The following LYN variants were observed in gnomAD, a reference collection of about 807,000 sequenced individuals.
LYN encodes the protein LYN proto-oncogene, Src family tyrosine kinase.
A neutral mutation model predicts 65.0 loss-of-function variants in LYN; 12 were observed. The observed-to-expected ratio is 0.18, with a 90% CI of 0.12 to 0.30. The LOEUF (loss-of-function observed/expected upper bound fraction) is 0.30. Ranked by LOEUF, LYN falls within the 10% of genes least tolerant of loss-of-function variation. LYN has a pLI of 1.00. For synonymous variants in LYN, 222 were observed against 221.2 expected (o/e 1.00, Z -0.03); for missense variants, 380 against 623.2 (o/e 0.61, Z 4.16).
At chr8:56,003,925 A>ATTTTT (rs1289280533) in intron 12 of LYN, among the ~76,000 whole-genome samples, 1 of 115,118 alleles carries the variant, frequency 8.7e-6, no homozygotes, top group Non-Finnish European at 1.9e-5. Context: ...TAAATATTTT[A>ATTTTT]TTCTTTTTTT....
intron 1 of LYN, among the ~76,000 whole-genome samples, chr8:55,885,432 T>C (rs75314857): frequency 0.012 from 1,796 of 152,334 alleles, 29 homozygotes; most frequent in African/African-American, 0.042. Context: ...CTCCTCTTTA[T>C]TGACACCAGA....
intron 8 of LYN, among the ~76,000 whole-genome samples, chr8:55,962,889 G>A (rs1349099997): frequency 6.6e-6 from 1 of 152,222 alleles, no homozygotes; most frequent in Non-Finnish European, 1.5e-5. Context: ...AGGCAAAAGG[G>A]AGTGAGCATG....
At chr8:55,945,074 G>T (rs565297348) in intron 2 of LYN, among the ~76,000 whole-genome samples, 19 of 152,070 alleles carry the variant, frequency 1.2e-4, no homozygotes, top group Admixed American at 9.8e-4. Context: ...CAAAATGCAC[G>T]CTATGGATTG....
At chr8:55,991,449 T>C (rs1808246763) in intron 10 of LYN, among the ~76,000 whole-genome samples, 1 of 152,168 alleles carries the variant, frequency 6.6e-6, no homozygotes, top group South Asian at 2.1e-4. Flanking sequence ...CATTGTATGT[T>C]ACAAAGGCCA....
At chr8:55,912,219 G>C (rs145193335) in intron 1 of LYN, among the ~76,000 whole-genome samples, 10 of 152,318 alleles carry the variant, frequency 6.6e-5, no homozygotes, top group Non-Finnish European at 8.8e-5. Flanking sequence ...ACACATTTCT[G>C]TGTGCCCCTT....
chr8:55,899,713 G>C (rs1563499896), intron 1 of LYN, among the ~76,000 whole-genome samples: 1 of 151,932 alleles, frequency 6.6e-6, no homozygotes, highest in Non-Finnish European at 1.5e-5. Context: ...GCAATGGCAC[G>C]ATCTCAGTTC....
chr8:55,953,725 T>A, intron 7 of LYN, 107 bp from the exon 8 acceptor site: 2 of 892,188 alleles, frequency 2.2e-6, no homozygotes, highest in Non-Finnish European at 3.3e-6. Context: ...GTTCACAGAC[T>A]GCGGCAGGTT....
intron 1 of LYN, among the ~76,000 whole-genome samples, chr8:55,906,674 A>T (rs771532170): frequency 5.0e-4 from 76 of 151,906 alleles, no homozygotes; most frequent in Non-Finnish European, 8.8e-4. Flanking sequence ...AGAATTTGAG[A>T]TCAGCTTGGG....
At chr8:55,903,762 C>A (rs182819369) in intron 1 of LYN, among the ~76,000 whole-genome samples, 106 of 152,198 alleles carry the variant, frequency 7.0e-4, no homozygotes, top group Middle Eastern at 6.8e-3. Flanking sequence ...ACCTGTAATC[C>A]CAGCACTATG....
intron 1 of LYN, among the ~76,000 whole-genome samples, chr8:55,893,027 A>G (rs1804999092): frequency 6.6e-6 from 1 of 151,876 alleles, no homozygotes; most frequent in Non-Finnish European, 1.5e-5. Flanking sequence ...TAGGGAATTG[A>G]AAAGCAGTAC....
rs183806411 is a variant in LYN at position 55,944,775 on chromosome 8, C to T, written c.133-1673C>T. ...GGAATACAGGCGTGAGCCACCACAC[C>T]CAGCCTGTTTTTTGTTTTTAAATGA... On this transcript the variant is annotated intron_variant, in intron 2 of 12. Transcript: ENST00000519728. Among the ~76,000 whole-genome samples the T allele has an allele frequency of 2.3e-3, 344 of 152,310 alleles. 3 individuals are homozygous for T. The highest frequency in any genetic ancestry group is 7.9e-3 in the African/African-American group (329 of 41,560).
chr8:55,945,469 C>T (rs557531629), intron 2 of LYN, among the ~76,000 whole-genome samples: 1 of 152,324 alleles, frequency 6.6e-6, no homozygotes, highest in South Asian at 2.1e-4. Flanking sequence ...TTTTCCCTGT[C>T]TCACTGAAAT....
chr8:55,947,773 G>C (rs375742628), intron 4 of LYN, 50 bp downstream of exon 4: 9 of 1,262,722 alleles, frequency 7.1e-6, no homozygotes, highest in Non-Finnish European at 9.3e-6. Flanking sequence ...AGGCCACTGA[G>C]TCCTGCAGGC....
intron 1 of LYN, among the ~76,000 whole-genome samples, chr8:55,930,580 C>G (rs1319806489): frequency 1.3e-5 from 2 of 152,148 alleles, no homozygotes; most frequent in East Asian, 3.8e-4. Flanking sequence ...ATCTTGTTTT[C>G]ATAGTGTTCC....
At chr8:55,913,716 A>C (rs569416668) in intron 1 of LYN, among the ~76,000 whole-genome samples, 79 of 152,354 alleles carry the variant, frequency 5.2e-4, no homozygotes, top group African/African-American at 1.8e-3. Context: ...CAGACGTGGA[A>C]GAAGGGATGT....
At position 55,879,957 on chromosome 8, in the gene LYN, G is replaced by C. The variant is rs1020585591; in HGVS notation, c.-152G>C. The C allele has an allele frequency of 4.4e-6, 1 of 224,786 alleles. No homozygotes were observed. Among genetic ancestry groups the C allele is most frequent in the African/African-American group, 2.4e-5 (1 of 41,976 alleles). 13.9% of individuals were successfully genotyped at this position (224,786 alleles called of 1,614,324 possible). The stretch of plus-strand genomic sequence containing the variant: ...GGGCGGCCGCGCCACCCCCGGCCCC[G>C]CGCCAGCAGCCCCTCGCCGCGCGTC... On this transcript the variant is annotated 5_prime_UTR_variant, in exon 1 of 13. Coordinates refer to ENST00000519728, the MANE Select transcript of LYN (RefSeq NM_002350.4).
At position 55,890,117 on chromosome 8, in the gene LYN, CAAAAAA is replaced by C. The variant is rs34706733; in HGVS notation, c.-6+10030_-6+10035del. Among the ~76,000 whole-genome samples the C allele has an allele frequency of 4.3e-4, 34 of 79,094 alleles. No individual in the cohort carries two copies. In the East Asian group the frequency reaches 6.3e-3, roughly 15 times the overall value. The allele number at this position is 79,094 out of a possible 152,430, so 51.9% of individuals were successfully genotyped here. A position where few individuals can be genotyped will look rare whatever the true frequency, so the allele number is the denominator to read the frequency against. Reference sequence around the variant, plus strand: ...TAAAGTGAGAACCTGCCTCTATAGACAAAAAAAAAAAAAAAAAAAAAGAATAAATAA... The same window carrying C: ...TAAAGTGAGAACCTGCCTCTATAGACAAAAAAAAAAAAAAAGAATAAATAA... On this transcript the variant is annotated intron_variant, in intron 1 of 12. Coordinates refer to ENST00000519728, the MANE Select transcript of LYN (RefSeq NM_002350.4).
chr8:56,002,783 G>A (rs1585683528), intron 12 of LYN, among the ~76,000 whole-genome samples: 1 of 152,152 alleles, frequency 6.6e-6, no homozygotes, highest in Non-Finnish European at 1.5e-5. Context: ...GACTGGGGAT[G>A]TGAGATATCT....
chr8:56,010,385 A>G lies in LYN; in HGVS notation c.*275A>G, dbSNP rs1585690946. The G allele has an allele frequency of 4.5e-6, 2 of 441,520 alleles. No individual in the cohort carries two copies. The highest frequency in any genetic ancestry group is 7.8e-5 in the East Asian group (2 of 25,694). 27.4% of individuals were successfully genotyped at this position (441,520 alleles called of 1,614,324 possible). On this transcript the variant is annotated 3_prime_UTR_variant, in exon 13 of 13. Coordinates refer to ENST00000519728, the MANE Select transcript of LYN (RefSeq NM_002350.4). ...AACATCTGAGTGCAGCCGTTTGAGA[A>G]GAAAACATCTATTCTCTCCAAAAAT...
Sources: allele counts gnomAD v4.1 joint callset (sites outside exome capture counted in the v4.1 genomes callset), GRCh38; gene constraint gnomAD v4.1.1; transcripts MANE v1.5; gene names NCBI Gene and HGNC (gene_info 2026-07-23, HGNC 2026-07-21).